Variants in STAM observed in about 807,000 individuals in gnomAD.
STAM encodes signal transducing adapter molecule 1.
A neutral mutation model predicts 63.4 loss-of-function variants in STAM; 16 were observed. The observed-to-expected ratio is 0.25, with a 90% CI of 0.17 to 0.38. The LOEUF (loss-of-function observed/expected upper bound fraction) is 0.38. Among genes scored for constraint, STAM ranks in the 10% least tolerant of loss-of-function variants. STAM has a pLI of 1.00. For missense variants in STAM, 636 were observed against 657.1 expected, an observed-to-expected ratio of 0.97 and a Z score of 0.35; for synonymous variants, 238 against 223.9, an observed-to-expected ratio of 1.06 and a Z score of -0.56.
Position 17,683,988 on chromosome 10 carries a change from A to G in STAM, c.126-687A>G, listed in dbSNP as rs147968502. Among the ~76,000 whole-genome samples the G allele has an allele frequency of 2.1e-3, 313 of 152,318 alleles. 2 individuals carry two copies. The highest frequency in any genetic ancestry group is 7.2e-3 in the African/African-American group (301 of 41,564). On this transcript the variant is annotated intron_variant, in intron 2 of 13. Transcript: ENST00000377524. The stretch of plus-strand genomic sequence containing the variant: ...CAGTATGTAGGTATGATTGAGCTGC[A>G]TTGCTAGGGTCTAAACTCCCCTGTA...
chr10:17,674,933 C>T (rs576130709), intron 2 of STAM, among the ~76,000 whole-genome samples: 1 of 152,068 alleles, frequency 6.6e-6, no homozygotes, highest in Non-Finnish European at 1.5e-5. Context: ...GACACTCAAT[C>T]CTTAAGAATG....
chr10:17,704,619 CAT>C, intron 10 of STAM, 101 bp downstream of exon 10: 1 of 1,010,244 alleles, frequency 9.9e-7, no homozygotes, highest in Non-Finnish European at 1.5e-6. Context: ...AAAAATGGAA[CAT>C]TTCTCACTTC....
intron 1 of STAM, among the ~76,000 whole-genome samples, chr10:17,656,462 C>T (rs1833944369): frequency 1.3e-5 from 2 of 151,998 alleles, no homozygotes; most frequent in Admixed American, 6.6e-5. Context: ...TGGAATTCTG[C>T]CTCTCCACTC....
In STAM at chr10:17,696,764, G is replaced by A. The variant is rs41289337; in HGVS notation, c.729-11G>A. On this transcript the variant is annotated splice_polypyrimidine_tract_variant and intron_variant, in intron 7 of 13. Transcript: ENST00000377524. Reference sequence around the variant, plus strand: ...TTGTTATGGTAAAGCATTGTTTTTTGTTTGTCATAGTGATCCTAACTGGTG... The same window carrying A: ...TTGTTATGGTAAAGCATTGTTTTTTATTTGTCATAGTGATCCTAACTGGTG... 2.8e-3 allele frequency: 4,363 copies of A among 1,585,426 alleles called. 9 individuals carry two copies. Among genetic ancestry groups the A allele is most frequent in the Non-Finnish European group, 3.4e-3 (3,930 of 1,156,838 alleles).
intron 12 of STAM, among the ~76,000 whole-genome samples, chr10:17,708,450 A>G (rs1414612937): frequency 6.6e-5 from 10 of 152,236 alleles, no homozygotes; most frequent in African/African-American, 2.4e-4. Flanking sequence ...ATCCTTTGGG[A>G]TTCCTTAAAA....
At chr10:17,707,151 T>C (rs1836322589) in intron 12 of STAM, among the ~76,000 whole-genome samples, 1 of 152,086 alleles carries the variant, frequency 6.6e-6, no homozygotes. Context: ...GGCTCATACC[T>C]GTAATCCCAG....
intron 9 of STAM, among the ~76,000 whole-genome samples, chr10:17,703,008 C>CAAAAAAAAAAAAAAAAAA: frequency 1.5e-5 from 1 of 67,856 alleles, no homozygotes; most frequent in Non-Finnish European, 3.0e-5. Context: ...GACTCCATCT[C>CAAAAAAAAAAAAAAAAAA]AAAAAAAAAA....
At chr10:17,667,516 G>T (rs1014676484) in intron 2 of STAM, among the ~76,000 whole-genome samples, 1 of 151,960 alleles carries the variant, frequency 6.6e-6, no homozygotes, top group Admixed American at 6.6e-5. Flanking sequence ...CATTCTCTTT[G>T]CGTTCGTCAT....
chr10:17,701,048 T>C (rs1554828376), intron 9 of STAM, among the ~76,000 whole-genome samples: 1 of 152,234 alleles, frequency 6.6e-6, no homozygotes, highest in Non-Finnish European at 1.5e-5. Flanking sequence ...TGTATATTTT[T>C]AGTAATTATG....
intron 4 of STAM, among the ~76,000 whole-genome samples, chr10:17,686,417 C>T (rs1835297369): frequency 6.7e-6 from 1 of 148,942 alleles, no homozygotes; most frequent in South Asian, 2.1e-4. Context: ...CTCTTTGTCA[C>T]CCAGGCTGGA....
Position 17,696,881 on chromosome 10 carries a change from C to G in STAM, c.823+12C>G, listed in dbSNP as rs1554827598. 1.9e-6 allele frequency: 3 copies of G among 1,587,744 alleles called. No homozygotes were observed. The highest frequency in any genetic ancestry group is 2.6e-6 in the Non-Finnish European group (3 of 1,156,528). On this transcript the variant is annotated intron_variant, in intron 8 of 13. Transcript: ENST00000377524. ...TGAACCAGAAATGAGTAAGTATTTT[C>G]CAGCCTGCCAATAAATGATGTTTTC...
At position 17,695,157 on chromosome 10, in the gene STAM, T is replaced by C; in HGVS notation, c.644T>C (p.Val215Ala). Residue 215 changes from valine (V) to alanine (A), a missense_variant, in exon 7 of 14, where the codon GTT (valine) becomes GCT (alanine). This residue lies in a region of STAM where 532 missense variants were observed against 536.9 expected (regional missense o/e 0.99). Transcript: ENST00000377524. ...AACCACCAACATGAAGGCCGAAAAG[T>C]TCGTGCTATATATGACTTTGAAGCT... Reference protein sequence around the residue: ...LTNHQHEGRKVRAIYDFEAAE... With the variant: ...LTNHQHEGRKARAIYDFEAAE... The C allele has an allele frequency of 6.2e-7, 1 of 1,614,070 alleles. No homozygotes were observed. The highest frequency in any genetic ancestry group is 8.5e-7 in the Non-Finnish European group (1 of 1,179,972).
chr10:17,713,369 C>G (rs899285898), intron 13 of STAM, among the ~76,000 whole-genome samples: 12 of 152,194 alleles, frequency 7.9e-5, no homozygotes, highest in Non-Finnish European at 1.3e-4. Flanking sequence ...CCCCACAGGA[C>G]AGCAGGCTTG....
At chr10:17,645,354 T>C (rs1187958403) in intron 1 of STAM, among the ~76,000 whole-genome samples, 2 of 152,232 alleles carry the variant, frequency 1.3e-5, no homozygotes, top group Non-Finnish European at 2.9e-5. Context: ...ATTTTAATTA[T>C]GAAAGGTGGA....
intron 1 of STAM, among the ~76,000 whole-genome samples, chr10:17,646,480 C>T (rs1833524335): frequency 6.6e-6 from 1 of 152,184 alleles, no homozygotes. Flanking sequence ...AATTATTTAG[C>T]ATTCAAGATA....
chr10:17,701,494 A>G (rs1346473142), intron 9 of STAM, among the ~76,000 whole-genome samples: 1 of 152,184 alleles, frequency 6.6e-6, no homozygotes, highest in Non-Finnish European at 1.5e-5. Flanking sequence ...ATTTGTTTAT[A>G]TATTGTTTGG....
chr10:17,672,570 C>A (rs1448688977), intron 2 of STAM, among the ~76,000 whole-genome samples: 1 of 152,176 alleles, frequency 6.6e-6, no homozygotes, highest in African/African-American at 2.4e-5. Context: ...GTGCTGAGGG[C>A]CATTCTTGCT....
intron 2 of STAM, among the ~76,000 whole-genome samples, chr10:17,681,010 T>C (rs776736487): frequency 6.6e-6 from 1 of 152,156 alleles, no homozygotes; most frequent in African/African-American, 2.4e-5. Flanking sequence ...CTGGAGCATA[T>C]GGTAATTCTA....
intron 1 of STAM, among the ~76,000 whole-genome samples, chr10:17,651,507 T>A (rs1554821548): frequency 6.6e-6 from 1 of 152,236 alleles, no homozygotes. Flanking sequence ...CCATCTGATA[T>A]CCACTGGATT....
Sources: gnomAD v4.1 joint callset for allele counts (sites outside exome capture counted in the v4.1 genomes callset) on GRCh38, gnomAD v4.1.1 for gene constraint, gnomAD v4.1.1 regional missense constraint, MANE v1.5 for transcripts, NCBI Gene and HGNC (gene_info 2026-07-23, HGNC 2026-07-21) for gene names.